The following SLC15A2 variants were observed in gnomAD, a reference collection of about 807,000 sequenced individuals.
SLC15A2 encodes the protein kidney H(+)/peptide cotransporter.
A neutral mutation model predicts 95.5 loss-of-function variants in SLC15A2; 77 were observed. The observed-to-expected ratio is 0.81, with a 90% CI of 0.67 to 0.97. SLC15A2 has a LOEUF of 0.97. Among genes scored for constraint, SLC15A2 ranks in the 50% least tolerant of loss-of-function variants. The pLI is 0.00. For synonymous variants in SLC15A2, 306 were observed against 306.9 expected (o/e 1.00, Z 0.03); for missense variants, 893 against 874.4 (o/e 1.02, Z -0.27).
intron 3 of SLC15A2, among the ~76,000 whole-genome samples, chr3:121,907,703 T>A (rs1020952535): frequency 6.6e-6 from 1 of 152,230 alleles, no homozygotes; most frequent in Non-Finnish European, 1.5e-5. Context: ...ACAGCAAATA[T>A]TGCAGAACAG....
At chr3:121,906,485 A>G (rs1709647684) in intron 3 of SLC15A2, among the ~76,000 whole-genome samples, 1 of 152,210 alleles carries the variant, frequency 6.6e-6, no homozygotes, top group Non-Finnish European at 1.5e-5. Flanking sequence ...ATGTTTTTGC[A>G]GTGGCTGGTA....
Position 121,915,333 on chromosome 3 carries a change from A to C in SLC15A2, c.619+16A>C. On this transcript the variant is annotated intron_variant, in intron 6 of 21. Transcript: ENST00000489711. ...ATGCTGAGAGGTTAGGATTTTTTTGAGGGGCCCTGTATAAGGCTTTGCTCT... is the reference window on the plus strand; with the variant it reads ...ATGCTGAGAGGTTAGGATTTTTTTGCGGGGCCCTGTATAAGGCTTTGCTCT... The C allele has an allele frequency of 7.0e-7, 1 of 1,436,446 alleles. No homozygotes were observed. The highest frequency in any genetic ancestry group is 9.8e-7 in the Non-Finnish European group (1 of 1,019,340). The allele number at this position is 1,436,446 out of a possible 1,614,324, so 89.0% of individuals were successfully genotyped here. A position where few individuals can be genotyped will look rare whatever the true frequency, so the allele number is the denominator to read the frequency against.
Position 121,903,503 on chromosome 3 carries a change from A to C in SLC15A2, c.335+5974A>C, listed in dbSNP as rs568987163. ...TTTTAGGTCTAACATGTAAGTCTTT[A>C]ATCCATCTTGAATTAATTTTTGTAT... is the stretch of plus-strand genomic sequence containing the variant. On this transcript the variant is annotated intron_variant, in intron 3 of 21. Transcript: ENST00000489711. Among the ~76,000 whole-genome samples the C allele has an allele frequency of 1.9e-4, 29 of 152,260 alleles. No individual in the cohort carries two copies. In the South Asian group the frequency reaches 5.8e-3, roughly 30 times the overall value.
At chr3:121,928,944 G>T (rs1193313262) in intron 15 of SLC15A2, 38 bp from the exon 16 acceptor site, 2 of 1,603,436 alleles carry the variant, frequency 1.2e-6, no homozygotes, top group South Asian at 1.1e-5. Flanking sequence ...GCAGTAGAAG[G>T]TGTACGTGAC....
intron 13 of SLC15A2, 158 bp from the exon 14 acceptor site, chr3:121,927,600 A>G: frequency 1.7e-6 from 1 of 578,412 alleles, no homozygotes; most frequent in East Asian, 2.9e-5. Flanking sequence ...CCATAAGCCA[A>G]TTAAACTTCT....
Position 121,927,848 on chromosome 3 carries a change from A to G in SLC15A2, c.1206+9A>G, listed in dbSNP as rs188565363. 23 of 1,600,948 alleles carry G rather than the reference A, an allele frequency of 1.4e-5. No homozygotes were observed. Among genetic ancestry groups the G allele is most frequent in the Admixed American group, 1.3e-4 (8 of 60,006 alleles). ...TAGAGATAAAAATAAATGTGAGTTC[A>G]GTAATTCTTAAGCTCTATGAGGGCA... On this transcript the variant is annotated intron_variant, in intron 14 of 21. Coordinates refer to ENST00000489711, the MANE Select transcript of SLC15A2 (RefSeq NM_021082.4).
chr3:121,905,493 T>A (rs1380909114), intron 3 of SLC15A2, among the ~76,000 whole-genome samples: 2 of 152,246 alleles, frequency 1.3e-5, no homozygotes, highest in Admixed American at 1.3e-4. Context: ...TTTAGTGCTA[T>A]AAGTTTCCCT....
At chr3:121,904,746 G>A (rs886796199) in intron 3 of SLC15A2, among the ~76,000 whole-genome samples, 3 of 152,262 alleles carry the variant, frequency 2.0e-5, no homozygotes, top group South Asian at 4.1e-4. Context: ...TGCTGGATTC[G>A]GTTTGCCAGT....
intron 4 of SLC15A2, among the ~76,000 whole-genome samples, chr3:121,911,977 ACT>A (rs1306840761): frequency 6.6e-6 from 1 of 152,018 alleles, no homozygotes; most frequent in East Asian, 1.9e-4. Context: ...GTTAAAAAAA[ACT>A]CTATAATGTT....
chr3:121,908,452 A>G (rs1490680461), intron 3 of SLC15A2, among the ~76,000 whole-genome samples: 1 of 152,214 alleles, frequency 6.6e-6, no homozygotes, highest in African/African-American at 2.4e-5. Context: ...AGAAATCACC[A>G]TCTTCTGCAT....
chr3:121,940,638 T>C, intron 21 of SLC15A2, 150 bp downstream of exon 21: 3 of 832,416 alleles, frequency 3.6e-6, no homozygotes, highest in Non-Finnish European at 5.7e-6. Context: ...ACCAGGAAAA[T>C]AGACATATGT....
At position 121,915,610 on chromosome 3, in the gene SLC15A2, C is replaced by G. The variant is rs1445784843; in HGVS notation, c.620-6C>G. ...TACTTTCCTCCTCCCATCCCATTTT[C>G]TTTAGGAGATGTGCAATGTTTTGGA... On this transcript the variant is annotated splice_polypyrimidine_tract_variant and splice_region_variant and intron_variant, in intron 6 of 21. Coordinates refer to ENST00000489711, the MANE Select transcript of SLC15A2 (RefSeq NM_021082.4). 6.2e-7 allele frequency: 1 copy of G among 1,610,340 alleles called. No individual in the cohort carries two copies. Among genetic ancestry groups the G allele is most frequent in the Non-Finnish European group, 8.5e-7 (1 of 1,176,684 alleles).
intron 7 of SLC15A2, among the ~76,000 whole-genome samples, chr3:121,918,331 C>A (rs2877566): frequency 0.45 from 67,829 of 151,856 alleles, 15,670 homozygotes; most frequent in East Asian, 0.69. Context: ...ATTAACTGAG[C>A]TAGTGAGGAA....
intron 2 of SLC15A2, 73 bp from the exon 3 acceptor site, chr3:121,897,315 T>G: frequency 6.4e-7 from 1 of 1,556,478 alleles, no homozygotes; most frequent in Non-Finnish European, 8.7e-7. Context: ...GATTAAATAT[T>G]TTTTTCCATA....
chr3:121,924,494 A>G (rs1315079833), intron 12 of SLC15A2, 111 bp downstream of exon 12: 2 of 957,766 alleles, frequency 2.1e-6, no homozygotes, highest in Non-Finnish European at 3.3e-6. Flanking sequence ...TTGTACGCTG[A>G]TAAGGGCCAA....
chr3:121,902,311 A>C lies in SLC15A2; in HGVS notation c.335+4782A>C, dbSNP rs545026855. Among the ~76,000 whole-genome samples the C allele has an allele frequency of 3.3e-5, 5 of 151,750 alleles. No homozygotes were observed. The South Asian group carries it at 8.4e-4, about 25-fold the overall frequency. On this transcript the variant is annotated intron_variant, in intron 3 of 21. Transcript: ENST00000489711. ...TTTTTGACCTGGGCAATCACTTAGA[A>C]CCACTCTCTTAAACGTGTTTATTAT...
chr3:121,922,828 G>A lies in SLC15A2; in HGVS notation c.834G>A (p.Gln278=). The A allele has an allele frequency of 1.2e-6, 2 of 1,614,022 alleles. No individual in the cohort carries two copies. The highest frequency in any genetic ancestry group is 1.1e-5 in the South Asian group (1 of 91,056). The part of the protein sequence containing the change: ...KNRSGDIPKR[Q]HWLDWAAEKY... The stretch of plus-strand genomic sequence containing the variant: ...GTTCTGGAGACATTCCAAAGCGACA[G>A]CACTGGCTAGACTGGGCGGCTGAGA... Residue 278 remains glutamine, a synonymous_variant, in exon 9 of 22, where the codon CAG becomes CAA. Transcript: ENST00000489711.
chr3:121,929,656 C>A (rs1308756076), intron 17 of SLC15A2, among the ~76,000 whole-genome samples: 2 of 151,994 alleles, frequency 1.3e-5, no homozygotes, highest in African/African-American at 4.8e-5. Flanking sequence ...CTGTGATCGC[C>A]AGAGAGAAAT....
At chr3:121,938,083 C>A (rs999849465) in intron 19 of SLC15A2, among the ~76,000 whole-genome samples, 2 of 151,836 alleles carry the variant, frequency 1.3e-5, no homozygotes, top group African/African-American at 4.9e-5. Flanking sequence ...GCTCAGGGGT[C>A]AGGGGTCAGG....
Sources: allele counts gnomAD v4.1 joint callset (sites outside exome capture counted in the v4.1 genomes callset), GRCh38; gene constraint gnomAD v4.1.1; transcripts MANE v1.5; gene names NCBI Gene and HGNC (gene_info 2026-07-23, HGNC 2026-07-21).